Variants in RIT2 observed in about 807,000 individuals in gnomAD.
RIT2 encodes GTP-binding protein Rit2.
A neutral mutation model predicts 23.7 loss-of-function variants in RIT2; 24 were observed. The observed-to-expected ratio is 1.01, with a 90% confidence interval of 0.73 to 1.43. The LOEUF is 1.43. Among genes scored for constraint, RIT2 ranks in the 40% most tolerant of loss-of-function variants. The probability of loss-of-function intolerance (pLI) is 0.00; values close to 1 mark genes in which losing one functional copy is unlikely to be tolerated. For synonymous variants in RIT2, 107 were observed against 91.1 expected (o/e 1.17, Z -0.99); for missense variants, 236 against 266.9 (o/e 0.88, Z 0.81).
chr18:42,941,665 A>G (rs1909603229), intron 3 of RIT2, among the ~76,000 whole-genome samples: 1 of 152,148 alleles, frequency 6.6e-6, no homozygotes, highest in Admixed American at 6.6e-5. Flanking sequence ...AAAATGCCAG[A>G]TACTTTAATG....
intron 4 of RIT2, among the ~76,000 whole-genome samples, chr18:42,878,831 C>G (rs1352423892): frequency 6.6e-6 from 1 of 150,524 alleles, no homozygotes; most frequent in Non-Finnish European, 1.5e-5. Context: ...CTGTACCGCC[C>G]CCCGCCCCCC....
chr18:42,862,274 C>T (rs188532754), intron 4 of RIT2, among the ~76,000 whole-genome samples: 38 of 152,208 alleles, frequency 2.5e-4, no homozygotes, highest in African/African-American at 8.7e-4. Context: ...CTCTCTCTCT[C>T]TCCTGCCACC....
chr18:43,001,204 AGAGAAATGGAGGAT>A (rs1448767745), intron 2 of RIT2, among the ~76,000 whole-genome samples: 2 of 151,974 alleles, frequency 1.3e-5, no homozygotes, highest in Non-Finnish European at 2.9e-5. Flanking sequence ...TTGCTACAGA[AGAGAAATGGAGGAT>A]GAGAAATGGA....
intron 4 of RIT2, among the ~76,000 whole-genome samples, chr18:42,805,563 A>T (rs1272963191): frequency 6.6e-6 from 1 of 152,172 alleles, no homozygotes; most frequent in East Asian, 1.9e-4. Flanking sequence ...TCTAGATTGC[A>T]TTTCAAATGA....
chr18:43,067,345 G>C (rs1486356256), intron 1 of RIT2, among the ~76,000 whole-genome samples: 1 of 152,106 alleles, frequency 6.6e-6, no homozygotes. Context: ...AGCCCACCAT[G>C]AGTGGCCATG....
At chr18:42,904,923 G>A (rs1382279430) in intron 4 of RIT2, among the ~76,000 whole-genome samples, 1 of 152,154 alleles carries the variant, frequency 6.6e-6, no homozygotes. Flanking sequence ...TTAGCTGGAT[G>A]AGCAAAAACT....
At chr18:42,929,196 T>C (rs1909267077) in intron 3 of RIT2, among the ~76,000 whole-genome samples, 1 of 151,746 alleles carries the variant, frequency 6.6e-6, no homozygotes, top group Non-Finnish European at 1.5e-5. Flanking sequence ...ACTTTTGTCA[T>C]CAATAATAAC....
At chr18:42,798,604 T>C (rs1309921193) in intron 4 of RIT2, among the ~76,000 whole-genome samples, 1 of 152,230 alleles carries the variant, frequency 6.6e-6, no homozygotes, top group Non-Finnish European at 1.5e-5. Context: ...AATCAGACTG[T>C]CCCTTCTGAT....
At chr18:43,008,918 T>C (rs1034889716) in intron 2 of RIT2, among the ~76,000 whole-genome samples, 1 of 151,558 alleles carries the variant, frequency 6.6e-6, no homozygotes, top group Non-Finnish European at 1.5e-5. Context: ...AGTTTCCTAA[T>C]TGGTTAAAAA....
intron 4 of RIT2, among the ~76,000 whole-genome samples, chr18:42,829,187 G>A (rs1188281931): frequency 6.6e-6 from 1 of 152,098 alleles, no homozygotes; most frequent in African/African-American, 2.4e-5. Context: ...TATGATTCAT[G>A]AGTACAATTG....
intron 1 of RIT2, among the ~76,000 whole-genome samples, chr18:43,036,335 T>G (rs1290308009): frequency 6.6e-6 from 1 of 151,702 alleles, no homozygotes; most frequent in Admixed American, 6.6e-5. Flanking sequence ...AGGTCAGGAG[T>G]CCTAGAACAG....
chr18:43,088,376 A>G (rs191933097), intron 1 of RIT2, among the ~76,000 whole-genome samples: 162 of 152,262 alleles, frequency 1.1e-3, no homozygotes, highest in Admixed American at 4.3e-3. Context: ...GCAGTCCACT[A>G]AGATAGTTTA....
At chr18:42,750,913 A>T (rs1913030976) in intron 4 of RIT2, among the ~76,000 whole-genome samples, 1 of 151,912 alleles carries the variant, frequency 6.6e-6, no homozygotes, top group South Asian at 2.1e-4. Context: ...TAGAGAAGAA[A>T]TATTTGAATT....
chr18:43,062,550 C>A (rs1389276151), intron 1 of RIT2, among the ~76,000 whole-genome samples: 1 of 152,138 alleles, frequency 6.6e-6, no homozygotes, highest in African/African-American at 2.4e-5. Context: ...AATATGAATT[C>A]TCAAATTGCA....
At chr18:42,841,775 T>C (rs1214584792) in intron 4 of RIT2, among the ~76,000 whole-genome samples, 4 of 152,192 alleles carry the variant, frequency 2.6e-5, no homozygotes, top group Non-Finnish European at 5.9e-5. Context: ...GCTTCCATGA[T>C]TGTACAAGGG....
chr18:43,093,287 C>T (rs932542205), intron 1 of RIT2, among the ~76,000 whole-genome samples: 1 of 152,006 alleles, frequency 6.6e-6, no homozygotes, highest in East Asian at 1.9e-4. Flanking sequence ...ATGCTCATTT[C>T]CCTGAGTCTA....
At chr18:42,812,756 A>C (rs1287771634) in intron 4 of RIT2, among the ~76,000 whole-genome samples, 2 of 152,156 alleles carry the variant, frequency 1.3e-5, no homozygotes, top group African/African-American at 4.8e-5. Flanking sequence ...ATTCATGCTG[A>C]TTGGATAGAC....
In RIT2 at chr18:43,098,996, G is replaced by C. The variant is rs576469628; in HGVS notation, c.103+16421C>G. Among the ~76,000 whole-genome samples the C allele has an allele frequency of 1.4e-4, 22 of 151,972 alleles. No homozygotes were observed. The South Asian group carries it at 3.3e-3, about 23-fold the overall frequency. ...CTCCTAAGAAAACCTCCATGCTGTT[G>C]GCATATGATTTTAAGGAAAGGGGAG... On this transcript the variant is annotated intron_variant, in intron 1 of 4. Coordinates refer to ENST00000326695, the MANE Select transcript of RIT2 (RefSeq NM_002930.4).
intron 4 of RIT2, among the ~76,000 whole-genome samples, chr18:42,777,261 C>A: frequency 6.9e-6 from 1 of 144,342 alleles, no homozygotes; most frequent in African/African-American, 2.6e-5. Flanking sequence ...TCAGTCTGGC[C>A]ATTGGAAACA....
Sources: allele counts gnomAD v4.1 joint callset (sites outside exome capture counted in the v4.1 genomes callset), GRCh38; gene constraint gnomAD v4.1.1; transcripts MANE v1.5; gene names NCBI Gene and HGNC (gene_info 2026-07-23, HGNC 2026-07-21).